ENOX1: variants seen among roughly 807,000 people sequenced by gnomAD.
ENOX1 encodes ecto-NOX disulfide-thiol exchanger 1.
ENOX1 carries 42 observed loss-of-function variants against 82.5 expected under a neutral mutation model. That is an observed-to-expected ratio of 0.51 (90% CI 0.40 to 0.66). The LOEUF (loss-of-function observed/expected upper bound fraction) is 0.66. Among genes scored for constraint, ENOX1 ranks in the 30% least tolerant of loss-of-function variants. The pLI, the probability that ENOX1 is intolerant of heterozygous loss-of-function variation, is 0.00. For missense variants in ENOX1, 608 were observed against 811.6 expected (o/e 0.75, Z 3.05); for synonymous variants, 271 against 282.2 (o/e 0.96, Z 0.40).
intron 2 of ENOX1, among the ~76,000 whole-genome samples, chr13:43,553,698 GTT>G (rs2079307053): frequency 6.6e-6 from 1 of 152,184 alleles, no homozygotes; most frequent in Admixed American, 6.5e-5. Flanking sequence ...ACTGACTGTT[GTT>G]GTTCTCCATT....
At chr13:43,754,333 ATATATTAT>A (rs987837844) in intron 1 of ENOX1, among the ~76,000 whole-genome samples, 5 of 147,304 alleles carry the variant, frequency 3.4e-5, no homozygotes, top group Admixed American at 6.8e-5. Flanking sequence ...GTATATATAT[ATATATTAT>A]TATTATTATT....
chr13:43,512,381 T>C (rs2077401470), intron 2 of ENOX1, among the ~76,000 whole-genome samples: 1 of 151,930 alleles, frequency 6.6e-6, no homozygotes, highest in Non-Finnish European at 1.5e-5. Context: ...GGTGAACAAA[T>C]GTATTAAAAA....
At chr13:43,567,167 C>T (rs558700114) in intron 2 of ENOX1, among the ~76,000 whole-genome samples, 64 of 152,090 alleles carry the variant, frequency 4.2e-4, no homozygotes, top group East Asian at 5.8e-4. Flanking sequence ...CAACTAAAAC[C>T]TGATAGCATA....
At chr13:43,567,921 T>C (rs903048291) in intron 2 of ENOX1, among the ~76,000 whole-genome samples, 1 of 152,220 alleles carries the variant, frequency 6.6e-6, no homozygotes, top group African/African-American at 2.4e-5. Flanking sequence ...TTTAGATTTG[T>C]GAATTCTAGC....
intron 2 of ENOX1, among the ~76,000 whole-genome samples, chr13:43,559,110 A>C (rs1178076450): frequency 6.6e-6 from 1 of 152,198 alleles, no homozygotes; most frequent in Admixed American, 6.5e-5. Context: ...TAAATCTGGC[A>C]AACTCATACA....
chr13:43,492,277 T>G (rs1475459981), intron 2 of ENOX1, among the ~76,000 whole-genome samples: 1 of 152,212 alleles, frequency 6.6e-6, no homozygotes, highest in Non-Finnish European at 1.5e-5. Flanking sequence ...CTGTAGATGT[T>G]GCTCTAGTTG....
intron 2 of ENOX1, among the ~76,000 whole-genome samples, chr13:43,532,929 C>A (rs1237860120): frequency 6.6e-6 from 1 of 151,188 alleles, no homozygotes; most frequent in Non-Finnish European, 1.5e-5. Flanking sequence ...ATTTCTAATA[C>A]AGTATTGATG....
In ENOX1 at chr13:43,786,463, G is replaced by A. The variant is rs1952633354; in HGVS notation, c.-285+189C>T. The stretch of plus-strand genomic sequence containing the variant: ...CGGGGCACGGCGGGGAAGGGCGTGG[G>A]GGCTGCACCGAAGCCCCCACGCGTC... On this transcript the variant is annotated intron_variant, in intron 1 of 16. Coordinates refer to ENST00000690772, the MANE Select transcript of ENOX1 (RefSeq NM_001347969.2). This position sits in a 1 kb window ranked among gnomAD's most constrained non-coding sequence, Gnocchi z 6.0. Among the ~76,000 whole-genome samples, 1 of 151,672 alleles carries A rather than the reference G, an allele frequency of 6.6e-6. No individual in the cohort carries two copies. Among genetic ancestry groups the A allele is most frequent in the Admixed American group, 6.6e-5 (1 of 15,266 alleles).
At chr13:43,282,311 G>C (rs1169436386) in intron 12 of ENOX1, among the ~76,000 whole-genome samples, 1 of 152,006 alleles carries the variant, frequency 6.6e-6, no homozygotes, top group South Asian at 2.1e-4. Context: ...ACTGAGCCTG[G>C]CCTATAATTT....
At chr13:43,607,783 C>T (rs763567370) in intron 2 of ENOX1, among the ~76,000 whole-genome samples, 1 of 152,180 alleles carries the variant, frequency 6.6e-6, no homozygotes, top group South Asian at 2.1e-4. Flanking sequence ...ATGCATGATG[C>T]TGATTCTCTT....
At chr13:43,627,516 C>G (rs2083018330) in intron 2 of ENOX1, among the ~76,000 whole-genome samples, 1 of 152,014 alleles carries the variant, frequency 6.6e-6, no homozygotes, top group Non-Finnish European at 1.5e-5. Flanking sequence ...GAAACCCTAT[C>G]TACTTTGAAG....
chr13:43,350,756 C>G (rs1189817188), intron 8 of ENOX1, among the ~76,000 whole-genome samples: 1 of 152,110 alleles, frequency 6.6e-6, no homozygotes, highest in African/African-American at 2.4e-5. Flanking sequence ...GTGTTTTTTT[C>G]CTCCCGCTTT....
At chr13:43,709,773 T>C (rs1487597076) in intron 1 of ENOX1, among the ~76,000 whole-genome samples, 1 of 152,096 alleles carries the variant, frequency 6.6e-6, no homozygotes, top group East Asian at 1.9e-4. Flanking sequence ...GAAAAGAATA[T>C]CAAATCTTCT....
intron 3 of ENOX1, among the ~76,000 whole-genome samples, chr13:43,423,372 CA>C (rs963227668): frequency 2.7e-4 from 41 of 152,296 alleles, no homozygotes; most frequent in African/African-American, 9.1e-4. Flanking sequence ...AGCCTGGATC[CA>C]TTAAAGCTAG....
At chr13:43,463,710 G>A (rs150292759) in intron 3 of ENOX1, among the ~76,000 whole-genome samples, 26 of 152,236 alleles carry the variant, frequency 1.7e-4, no homozygotes, top group South Asian at 6.2e-4. Flanking sequence ...CGGCTGAATC[G>A]AGGCTAGTAC....
intron 1 of ENOX1, among the ~76,000 whole-genome samples, chr13:43,736,125 C>T (rs1011851014): frequency 3.3e-5 from 5 of 152,142 alleles, no homozygotes; most frequent in Admixed American, 3.3e-4. Context: ...CAATCATACA[C>T]ATTTATACTT....
At chr13:43,782,365 TCTC>T (rs1952326036) in intron 1 of ENOX1, among the ~76,000 whole-genome samples, 1 of 152,184 alleles carries the variant, frequency 6.6e-6, no homozygotes, top group African/African-American at 2.4e-5. Context: ...AACAAGTACT[TCTC>T]CTAGACAAAT....
chr13:43,500,548 T>C (rs1363315972), intron 2 of ENOX1, among the ~76,000 whole-genome samples: 1 of 152,032 alleles, frequency 6.6e-6, no homozygotes, highest in East Asian at 1.9e-4. Context: ...TAAGGAAGTA[T>C]GTCAACACTG....
chr13:43,231,461 C>T (rs1264598341), intron 15 of ENOX1, among the ~76,000 whole-genome samples: 2 of 152,162 alleles, frequency 1.3e-5, no homozygotes, highest in African/African-American at 4.8e-5. Flanking sequence ...AAGTTTATTC[C>T]GCTTACTTGG....
Sources: gnomAD v4.1 joint callset for allele counts (sites outside exome capture counted in the v4.1 genomes callset) on GRCh38, gnomAD v4.1.1 for gene constraint, Gnocchi (gnomAD v3.1) non-coding constraint, MANE v1.5 for transcripts, NCBI Gene and HGNC (gene_info 2026-07-23, HGNC 2026-07-21) for gene names.